ARLN: variants seen among roughly 807,000 people sequenced by gnomAD.
ARLN encodes sarcoplasmic/endoplasmic reticulum calcium ATPase regulator ARLN.
the ARLN span, among the ~76,000 whole-genome samples, chr4:119,299,896 T>C: frequency 3.3e-5 from 5 of 152,094 alleles, no homozygotes; most frequent in Admixed American, 1.3e-4. Context: ...AGCTGTATAG[T>C]AAAAATAGCT....
At chr4:119,296,484 A>G in the ARLN span, 1 of 152,158 alleles carries the variant, frequency 6.6e-6, no homozygotes, top group Admixed American at 6.6e-5. Flanking sequence ...AAGTCCCACA[A>G]TCTGCTTTCC....
chr4:119,299,349 G>T, the ARLN span, among the ~76,000 whole-genome samples: 2 of 152,198 alleles, frequency 1.3e-5, no homozygotes, highest in East Asian at 3.8e-4. Context: ...GGGGTTGGGG[G>T]TGTAGAAGAA....
the ARLN span, among the ~76,000 whole-genome samples, chr4:119,302,836 G>C: frequency 6.6e-6 from 1 of 152,186 alleles, no homozygotes; most frequent in African/African-American, 2.4e-5. Context: ...TTTTTAAGAA[G>C]ACGTTACAGA....
the ARLN span, chr4:119,296,847 C>T: frequency 3.9e-5 from 6 of 152,178 alleles, no homozygotes; most frequent in African/African-American, 1.4e-4. Context: ...AATTAACCTT[C>T]ACACCAAGAT....
At chr4:119,302,015 G>T in the ARLN span, among the ~76,000 whole-genome samples, 1 of 152,186 alleles carries the variant, frequency 6.6e-6, no homozygotes, top group Middle Eastern at 3.2e-3. Flanking sequence ...TAGACAAAAA[G>T]ACCCTGGGCT....
chr4:119,300,623 G>A, the ARLN span: 3 of 1,593,840 alleles, frequency 1.9e-6, no homozygotes, highest in Non-Finnish European at 1.7e-6. Context: ...AAACTGAGCG[G>A]AGTCCGGCCG....
At chr4:119,302,515 AC>A in the ARLN span, among the ~76,000 whole-genome samples, 1 of 152,236 alleles carries the variant, frequency 6.6e-6, no homozygotes, top group Non-Finnish European at 1.5e-5. Context: ...TACTGGGATT[AC>A]AGGCATGAGC....
the ARLN span, among the ~76,000 whole-genome samples, chr4:119,304,062 C>T: frequency 6.6e-6 from 1 of 152,230 alleles, no homozygotes; most frequent in Non-Finnish European, 1.5e-5. Flanking sequence ...CTTCCATCTT[C>T]CTCATGGAAA....
chr4:119,302,414 T>C, the ARLN span, among the ~76,000 whole-genome samples: 20 of 152,370 alleles, frequency 1.3e-4, 1 homozygote, highest in East Asian at 3.9e-3. Flanking sequence ...GATTGTTGAT[T>C]ATTCCACATT....
chr4:119,298,893 CTCTATTT>C, the ARLN span: 1 of 623,686 alleles, frequency 1.6e-6, no homozygotes, highest in Non-Finnish European at 3.0e-6. Context: ...CTTGTAAGGC[CTCTATTT>C]TCTATCCAGA....
At chr4:119,303,921 G>A in the ARLN span, among the ~76,000 whole-genome samples, 1 of 152,264 alleles carries the variant, frequency 6.6e-6, no homozygotes, top group East Asian at 1.9e-4. Context: ...TCATAACTAG[G>A]TTGCAGCTTC....
chr4:119,300,629 G>A, the ARLN span: 868 of 1,589,198 alleles, frequency 5.5e-4, 13 homozygotes, highest in East Asian at 0.019. Flanking sequence ...AGCGGAGTCC[G>A]GCCGCCTGCG....
chr4:119,300,576 T>C, the ARLN span: 5 of 1,613,844 alleles, frequency 3.1e-6, no homozygotes, highest in Non-Finnish European at 4.2e-6. Context: ...AAACCGAAAA[T>C]GCTTAAGTTC....
At chr4:119,300,970 C>G in the ARLN span, 1 of 629,832 alleles carries the variant, frequency 1.6e-6, no homozygotes, top group Non-Finnish European at 2.6e-6. Flanking sequence ...AGGAAGGCCC[C>G]CTCTGGTGGG....
At chr4:119,297,923 TTTTTG>T in the ARLN span, 2 of 152,676 alleles carry the variant, frequency 1.3e-5, no homozygotes, top group African/African-American at 4.8e-5. Flanking sequence ...CAAGAATGCC[TTTTTG>T]TTTTGTTCAC....
At chr4:119,297,923 T>G in the ARLN span, 1 of 152,676 alleles carries the variant, frequency 6.5e-6, no homozygotes, top group Non-Finnish European at 1.5e-5. Context: ...CAAGAATGCC[T>G]TTTTGTTTTG....
chr4:119,304,093 C>T, the ARLN span, among the ~76,000 whole-genome samples: 2 of 152,176 alleles, frequency 1.3e-5, no homozygotes, highest in Non-Finnish European at 2.9e-5. Context: ...GGCCTCTGGG[C>T]TTTGGTGCAT....
the ARLN span, chr4:119,300,707 C>G: frequency 2.0e-6 from 3 of 1,528,104 alleles, no homozygotes; most frequent in East Asian, 2.5e-5. Context: ...AGGCGCCTGG[C>G]TCGGCTTTCC....
the ARLN span, among the ~76,000 whole-genome samples, chr4:119,302,889 A>T: frequency 6.6e-6 from 1 of 152,230 alleles, no homozygotes; most frequent in Admixed American, 6.5e-5. Flanking sequence ...GAGGGAGATG[A>T]TGATGAATTT....
Sources: allele counts gnomAD v4.1 joint callset (sites outside exome capture counted in the v4.1 genomes callset), GRCh38; gene constraint gnomAD v4.1.1; transcripts MANE v1.5; gene names NCBI Gene and HGNC (gene_info 2026-07-23, HGNC 2026-07-21).